Variants in DPY19L3 observed in about 807,000 individuals in gnomAD.
DPY19L3 encodes dpy-19 like C-mannosyltransferase 3, also known as protein C-mannosyl-transferase DPY19L3.
Under a neutral mutation model 92.3 loss-of-function variants are expected in DPY19L3, and 51 were observed. The ratio of observed to expected loss-of-function variants is 0.55; its 90% CI spans 0.44 to 0.70. The LOEUF is 0.70. Ranked by LOEUF, DPY19L3 falls within the 30% of genes least tolerant of loss-of-function variation. The pLI, the probability that DPY19L3 is intolerant of heterozygous loss-of-function variation, is 0.00. For synonymous variants in DPY19L3, 309 were observed against 315.2 expected (o/e 0.98, Z 0.21); for missense variants, 706 against 855.9 (o/e 0.82, Z 2.18).
intron 1 of DPY19L3, among the ~76,000 whole-genome samples, chr19:32,407,187 C>T (rs1395657031): frequency 6.6e-6 from 1 of 151,582 alleles, no homozygotes; most frequent in African/African-American, 2.4e-5. Flanking sequence ...GCAAGATGTT[C>T]TGGAGGACTG....
intron 8 of DPY19L3, 135 bp from the exon 9 acceptor site, chr19:32,453,010 A>G: frequency 9.2e-7 from 1 of 1,087,256 alleles, no homozygotes; most frequent in South Asian, 1.4e-5. Context: ...CCTGGCCTAG[A>G]TTGTGTTTCT....
chr19:32,441,108 A>G (rs1369546391), intron 8 of DPY19L3, among the ~76,000 whole-genome samples: 2 of 152,208 alleles, frequency 1.3e-5, no homozygotes, highest in Non-Finnish European at 2.9e-5. Flanking sequence ...GTAGGTATCA[A>G]AAGCCTAAAA....
chr19:32,455,129 A>T, intron 10 of DPY19L3, 89 bp downstream of exon 10: 1 of 921,412 alleles, frequency 1.1e-6, no homozygotes, highest in Non-Finnish European at 1.6e-6. Flanking sequence ...TTCTTTTTTA[A>T]TAAACTAATT....
chr19:32,432,582 G>A, intron 3 of DPY19L3, 134 bp from the exon 4 acceptor site: 1 of 660,326 alleles, frequency 1.5e-6, no homozygotes. Context: ...ATTCTTGTTT[G>A]CCAAGATTTT....
intron 3 of DPY19L3, among the ~76,000 whole-genome samples, chr19:32,431,621 G>A (rs1235478813): frequency 2.0e-5 from 3 of 152,142 alleles, no homozygotes; most frequent in African/African-American, 7.2e-5. Flanking sequence ...AAATCTTGGG[G>A]ATAGGATTCA....
intron 17 of DPY19L3, 132 bp downstream of exon 17, chr19:32,477,786 C>T: frequency 1.6e-6 from 2 of 1,254,728 alleles, no homozygotes; most frequent in South Asian, 1.5e-5. Context: ...AGTCTGTTTT[C>T]ACGCTACTGA....
chr19:32,448,801 CTA>C (rs967217553), intron 8 of DPY19L3, among the ~76,000 whole-genome samples: 1 of 152,082 alleles, frequency 6.6e-6, no homozygotes, highest in Admixed American at 6.6e-5. Context: ...TGCCTTGTTT[CTA>C]TACTGTACTG....
intron 16 of DPY19L3, chr19:32,469,177 AT>A (rs1237362843): frequency 6.1e-6 from 1 of 163,232 alleles, no homozygotes; most frequent in Non-Finnish European, 1.3e-5. Flanking sequence ...TACCATTCTG[AT>A]TTTCCACTAA....
At chr19:32,469,372 G>T (rs1364716419) in intron 16 of DPY19L3, among the ~76,000 whole-genome samples, 2 of 151,820 alleles carry the variant, frequency 1.3e-5, no homozygotes, top group Non-Finnish European at 2.9e-5. Context: ...ATGGTGGCAG[G>T]TGCCTCCTAG....
At position 32,405,819 on chromosome 19, in the gene DPY19L3, G is replaced by C. The variant is rs1027034078; in HGVS notation, c.-128G>C. ...TCTGCCCTCCTTGTACCCGCGGCGCGCTGCGGCCCGTGGCGCGGCCCCGTT... is the reference window on the plus strand; with the variant it reads ...TCTGCCCTCCTTGTACCCGCGGCGCCCTGCGGCCCGTGGCGCGGCCCCGTT... On this transcript the variant is annotated 5_prime_UTR_variant, in exon 1 of 19. Transcript: ENST00000392250. The C allele has an allele frequency of 4.6e-5, 7 of 152,216 alleles. No homozygotes were observed. The highest frequency in any genetic ancestry group is 1.9e-4 in the East Asian group (1 of 5,130). The allele number at this position is 152,216 out of a possible 1,614,324, so 9.4% of individuals were successfully genotyped here.
rs1271809964 is a variant in DPY19L3, at chr19:32,485,142, C to G, written c.*2902C>G. On this transcript the variant is annotated 3_prime_UTR_variant, in exon 19 of 19. Transcript: ENST00000392250. Reference sequence around the variant, plus strand: ...AAGATCGGCAAACGAATGTATATTACACAGTTTAGGTTATGATTCCCTACT... The same window carrying G: ...AAGATCGGCAAACGAATGTATATTAGACAGTTTAGGTTATGATTCCCTACT... 1 of 152,182 alleles carries G rather than the reference C, an allele frequency of 6.6e-6. No homozygotes were observed. Among genetic ancestry groups the G allele is most frequent in the Admixed American group, 6.5e-5 (1 of 15,278 alleles). 9.4% of individuals were successfully genotyped at this position (152,182 alleles called of 1,614,324 possible).
At chr19:32,440,592 C>T (rs998137844) in intron 8 of DPY19L3, among the ~76,000 whole-genome samples, 5 of 152,104 alleles carry the variant, frequency 3.3e-5, no homozygotes, top group Non-Finnish European at 7.4e-5. Context: ...CAAAGGAGAT[C>T]CAGTAAGCTT....
intron 2 of DPY19L3, among the ~76,000 whole-genome samples, chr19:32,410,063 G>A (rs1231115953): frequency 6.6e-6 from 1 of 152,202 alleles, no homozygotes; most frequent in African/African-American, 2.4e-5. Context: ...AGCAATGTTT[G>A]AAGATGTCTA....
intron 4 of DPY19L3, 63 bp from the exon 5 acceptor site, chr19:32,436,383 T>C: frequency 7.8e-7 from 1 of 1,283,670 alleles, no homozygotes; most frequent in Non-Finnish European, 1.1e-6. Context: ...CTGTGCATAG[T>C]TTTGAATGAA....
chr19:32,423,402 ATTT>A (rs71176123), intron 3 of DPY19L3, among the ~76,000 whole-genome samples: 4 of 82,228 alleles, frequency 4.9e-5, no homozygotes, highest in African/African-American at 4.8e-5. Flanking sequence ...TGCCCAGCTA[ATTT>A]TTTTTTTTTT....
Position 32,482,542 on chromosome 19 carries a change from T to C in DPY19L3, c.*302T>C, listed in dbSNP as rs377631240. 7 of 255,104 alleles carry C rather than the reference T, an allele frequency of 2.7e-5. No homozygotes were observed. The highest frequency in any genetic ancestry group is 1.4e-4 in the African/African-American group (6 of 44,352). 15.8% of individuals were successfully genotyped at this position (255,104 alleles called of 1,614,324 possible). A position where few individuals can be genotyped will look rare whatever the true frequency, so the allele number is the denominator to read the frequency against. Reference sequence around the variant, plus strand: ...GATGTGTGTTCCATGGATACCTGGATAGGCACATAACATGTTGGAAGATGA... The same window carrying C: ...GATGTGTGTTCCATGGATACCTGGACAGGCACATAACATGTTGGAAGATGA... On this transcript the variant is annotated 3_prime_UTR_variant, in exon 19 of 19. Coordinates refer to ENST00000392250, the MANE Select transcript of DPY19L3 (RefSeq NM_001172774.2).
chr19:32,430,335 A>G (rs562496535), intron 3 of DPY19L3, among the ~76,000 whole-genome samples: 4 of 152,274 alleles, frequency 2.6e-5, no homozygotes, highest in South Asian at 4.1e-4. Context: ...ATGAGCCGTG[A>G]TCATGCCACC....
rs201876840 is a variant in DPY19L3, at chr19:32,480,557, C to T, written c.1989C>T (p.His663=). 54 of 1,611,000 alleles carry T rather than the reference C, an allele frequency of 3.4e-5. No individual in the cohort carries two copies. The highest frequency in any genetic ancestry group is 1.7e-4 in the Middle Eastern group (1 of 6,056). The part of the protein sequence containing the change: ...LRDLLDIANG[H]MMDGPGENDP... The stretch of plus-strand genomic sequence containing the variant: ...ACCTGCTGGACATTGCCAACGGCCA[C>T]GTGAGCATGCTGCCTCTCCCTGTGT... Residue 663 remains histidine, a splice_region_variant and synonymous_variant, in exon 18 of 19, where the codon CAC becomes CAT. Coordinates refer to ENST00000392250, the MANE Select transcript of DPY19L3 (RefSeq NM_001172774.2).
At chr19:32,437,908 A>G (rs1969197616) in intron 6 of DPY19L3, among the ~76,000 whole-genome samples, 1 of 152,138 alleles carries the variant, frequency 6.6e-6, no homozygotes, top group Middle Eastern at 3.4e-3. Flanking sequence ...TCCTGGCTTC[A>G]AGCAGTCCTC....
Sources: gnomAD v4.1 joint callset for allele counts (sites outside exome capture counted in the v4.1 genomes callset) on GRCh38, gnomAD v4.1.1 for gene constraint, MANE v1.5 for transcripts, NCBI Gene and HGNC (gene_info 2026-07-23, HGNC 2026-07-21) for gene names.